JHY: variants seen among roughly 807,000 people sequenced by gnomAD.
The protein encoded by JHY is jhy protein homolog.
In JHY, 69 loss-of-function variants were observed where a neutral mutation model predicts 78.0. That is an observed-to-expected ratio of 0.88 (90% CI 0.73 to 1.08). The LOEUF is 1.08. Among genes scored for constraint, JHY ranks in the 50% least tolerant of loss-of-function variants. The probability of loss-of-function intolerance (pLI) is 0.00; values close to 1 mark genes in which losing one functional copy is unlikely to be tolerated. For synonymous variants in JHY, 368 were observed against 342.6 expected, an observed-to-expected ratio of 1.07 and a Z score of -0.82; for missense variants, 944 against 927.8, an observed-to-expected ratio of 1.02 and a Z score of -0.23.
rs569156086 is a variant in JHY at position 122,891,549 on chromosome 11, G to A, written c.344+5356G>A. 3.7e-5 allele frequency among the ~76,000 whole-genome samples: 5 copies of A among 134,214 alleles called. No individual in the cohort carries two copies. In the South Asian group the frequency reaches 1.2e-3, roughly 33 times the overall value. The allele number at this position is 134,214 out of a possible 152,430, so 88.0% of individuals were successfully genotyped here. ...TAGAAACAACCTCTTCAGTCCTGGG[G>A]ACTTCTGAAACCTTGTATATTAAAA... On this transcript the variant is annotated intron_variant, in intron 2 of 8. Coordinates refer to ENST00000227349, the MANE Select transcript of JHY (RefSeq NM_024806.4).
chr11:122,958,349 A>G (rs1200703443), intron 8 of JHY, among the ~76,000 whole-genome samples: 1 of 152,098 alleles, frequency 6.6e-6, no homozygotes, highest in Non-Finnish European at 1.5e-5. Context: ...CATATTTTCT[A>G]TTTATTGCCT....
chr11:122,961,258 A>G lies in JHY; in HGVS notation c.*1813A>G, dbSNP rs1200949809. Among the ~76,000 whole-genome samples, 2 of 152,152 alleles carry G rather than the reference A, an allele frequency of 1.3e-5. No homozygotes were observed. Among genetic ancestry groups the G allele is most frequent in the African/African-American group, 4.8e-5 (2 of 41,430 alleles). On this transcript the variant is annotated 3_prime_UTR_variant, in exon 9 of 9. Transcript: ENST00000227349. ...AGAGAACTCAATCTATTGGCCAATC[A>G]GATGTTTCCCATCCTTCTTACTCAG...
At position 122,959,366 on chromosome 11, in the gene JHY, C is replaced by T. The variant is rs1202113068; in HGVS notation, c.2258C>T (p.Ser753Leu). 2.5e-6 allele frequency: 4 copies of T among 1,614,046 alleles called. No individual in the cohort carries two copies. The highest frequency in any genetic ancestry group is 2.7e-5 in the African/African-American group (2 of 74,936). The stretch of plus-strand genomic sequence containing the variant: ...AAAGAAGAAAGTTTACCTGAAATCT[C>T]ACTGCTGGAAATACTGCAGAACAGA... ...AGKEESLPEISLLEILQNRHE... is the reference protein window; with the variant it reads ...AGKEESLPEILLLEILQNRHE... Residue 753 changes from serine to leucine, a missense_variant, in exon 9 of 9, where the codon TCA becomes TTA. Physicochemically the swap from Ser to Leu is moderately radical, Grantham distance 145. Coordinates refer to ENST00000227349, the MANE Select transcript of JHY (RefSeq NM_024806.4).
intron 4 of JHY, among the ~76,000 whole-genome samples, chr11:122,926,187 C>CAAAAAAA (rs574945272): frequency 3.8e-4 from 15 of 38,992 alleles, no homozygotes; most frequent in East Asian, 1.8e-3. Context: ...GACTCCATCT[C>CAAAAAAA]AAAAAAAAAA....
chr11:122,911,926 A>G (rs1863135806), intron 3 of JHY, among the ~76,000 whole-genome samples: 1 of 150,038 alleles, frequency 6.7e-6, no homozygotes, highest in African/African-American at 2.4e-5. Flanking sequence ...AAAAAAAAAA[A>G]AAAAAAAAAG....
At chr11:122,948,380 T>G (rs1355677103) in intron 6 of JHY, among the ~76,000 whole-genome samples, 1 of 151,104 alleles carries the variant, frequency 6.6e-6, no homozygotes, top group Non-Finnish European at 1.5e-5. Flanking sequence ...GAGACGGAGG[T>G]TGCAGTGAGT....
intron 6 of JHY, among the ~76,000 whole-genome samples, chr11:122,953,032 T>G (rs1864122364): frequency 6.6e-6 from 1 of 152,248 alleles, no homozygotes; most frequent in South Asian, 2.1e-4. Flanking sequence ...AAGAGCAATC[T>G]TGTGGCTCCA....
intron 3 of JHY, among the ~76,000 whole-genome samples, chr11:122,906,242 C>A (rs920517177): frequency 2.6e-5 from 4 of 152,198 alleles, no homozygotes; most frequent in Non-Finnish European, 5.9e-5. Flanking sequence ...AGCTGGAATG[C>A]AATCGCACGA....
chr11:122,931,019 A>G (rs1863623396), intron 4 of JHY, among the ~76,000 whole-genome samples: 1 of 151,968 alleles, frequency 6.6e-6, no homozygotes, highest in African/African-American at 2.4e-5. Flanking sequence ...CACACAATGG[A>G]GGGGGGGAAT....
chr11:122,924,045 T>A (rs540954063), intron 3 of JHY, among the ~76,000 whole-genome samples: 1 of 152,016 alleles, frequency 6.6e-6, no homozygotes, highest in East Asian at 1.9e-4. Context: ...ACTTTTTAAA[T>A]TTTTTTAAAT....
chr11:122,959,310 A>G lies in JHY; in HGVS notation c.2202A>G (p.Ser734=). The G allele has an allele frequency of 6.2e-7, 1 of 1,614,204 alleles. No individual in the cohort carries two copies. The highest frequency in any genetic ancestry group is 2.2e-5 in the East Asian group (1 of 44,872). ...CATCAAATCTGACTCATCAAGCATCAAAGGAACAAAAAAATCCAACCTATG... is the reference window on the plus strand; with the variant it reads ...CATCAAATCTGACTCATCAAGCATCGAAGGAACAAAAAAATCCAACCTATG... ...PKPSNLTHQA[S]KEQKNPTYAG... Residue 734 remains serine, a synonymous_variant, in exon 9 of 9, where the codon TCA becomes TCG. Transcript: ENST00000227349.
intron 2 of JHY, among the ~76,000 whole-genome samples, chr11:122,897,476 C>T (rs1862762235): frequency 6.6e-6 from 1 of 152,186 alleles, no homozygotes; most frequent in African/African-American, 2.4e-5. Flanking sequence ...AAGTGAGCCC[C>T]TTGCCTGGAC....
chr11:122,920,516 C>G (rs138771606), intron 3 of JHY, among the ~76,000 whole-genome samples: 2 of 152,168 alleles, frequency 1.3e-5, no homozygotes, highest in Non-Finnish European at 2.9e-5. Flanking sequence ...TGTGTCTTTA[C>G]GCGGATTCAC....
At chr11:122,924,339 C>A (rs1256581793) in intron 3 of JHY, among the ~76,000 whole-genome samples, 7 of 152,134 alleles carry the variant, frequency 4.6e-5, no homozygotes, top group African/African-American at 1.7e-4. Context: ...TACTTACTAG[C>A]TGTTGATCCT....
At chr11:122,924,818 G>T in intron 3 of JHY, 79 bp from the exon 4 acceptor site, 2 of 1,097,342 alleles carry the variant, frequency 1.8e-6, no homozygotes, top group Admixed American at 2.0e-5. Flanking sequence ...CCGTTTTCTA[G>T]AGTGCACAGA....
At chr11:122,922,666 C>T (rs370388798) in intron 3 of JHY, among the ~76,000 whole-genome samples, 20 of 151,962 alleles carry the variant, frequency 1.3e-4, no homozygotes, top group Admixed American at 4.6e-4. Context: ...AAAAATTAGC[C>T]GGGGGTGGTG....
intron 5 of JHY, among the ~76,000 whole-genome samples, chr11:122,939,929 A>G (rs1432172907): frequency 6.6e-6 from 1 of 151,206 alleles, no homozygotes; most frequent in East Asian, 1.9e-4. Flanking sequence ...ACATTTTTAA[A>G]TTGTATTACT....
intron 3 of JHY, 131 bp from the exon 4 acceptor site, chr11:122,924,766 A>C: frequency 1.5e-6 from 1 of 656,782 alleles, no homozygotes; most frequent in Middle Eastern, 2.5e-4. Context: ...TGATGAGATG[A>C]ATCCTTGAAA....
At chr11:122,905,423 G>A in intron 3 of JHY, 1 of 1,413,494 alleles carries the variant, frequency 7.1e-7, no homozygotes, top group Non-Finnish European at 9.2e-7. Context: ...TGTTAAATGT[G>A]GTTGCCCTTA....
Sources: gnomAD v4.1 joint callset for allele counts (sites outside exome capture counted in the v4.1 genomes callset) on GRCh38, gnomAD v4.1.1 for gene constraint, MANE v1.5 for transcripts, NCBI Gene and HGNC (gene_info 2026-07-23, HGNC 2026-07-21) for gene names.